Variants in NBEAL1 observed in about 807,000 individuals in gnomAD.
The protein encoded by NBEAL1 is neurobeachin-like protein 1.
In NBEAL1, 273 loss-of-function variants were observed where a neutral mutation model predicts 351.3. That is an observed-to-expected ratio of 0.78 (90% CI 0.70 to 0.86). The LOEUF is 0.86. NBEAL1 is among the 40% of genes least tolerant of loss of function. The pLI is 0.00. For missense variants in NBEAL1, 2,961 were observed against 3,201.3 expected, an observed-to-expected ratio of 0.92 and a Z score of 1.81; for synonymous variants, 1,050 against 1,086.4, an observed-to-expected ratio of 0.97 and a Z score of 0.66.
At chr2:203,141,523 C>T (rs2063382374) in intron 31 of NBEAL1, among the ~76,000 whole-genome samples, 1 of 151,048 alleles carries the variant, frequency 6.6e-6, no homozygotes, top group African/African-American at 2.4e-5. Flanking sequence ...GTTGGGGCTA[C>T]AGGCGTGTGC....
At chr2:203,148,025 G>A (rs2063553596) in intron 33 of NBEAL1, among the ~76,000 whole-genome samples, 2 of 151,940 alleles carry the variant, frequency 1.3e-5, no homozygotes, top group Admixed American at 6.6e-5. Context: ...GAGCTGTCAT[G>A]ACTTCCTTAG....
rs1013144567 is a variant in NBEAL1 at position 203,218,338 on chromosome 2, TGTG to T, written c.*987_*989del. On this transcript the variant is annotated 3_prime_UTR_variant, in exon 56 of 56. Coordinates refer to ENST00000683969, the MANE Select transcript of NBEAL1 (RefSeq NM_001378026.1). ...AATTTTATTATATAGTGTTAAATGT[TGTG>T]GTTGATTATTAAGATCTTAAAGTAA... The T allele has an allele frequency of 6.6e-5, 10 of 152,010 alleles. No individual in the cohort carries two copies. Among genetic ancestry groups the T allele is most frequent in the African/African-American group, 2.4e-4 (10 of 41,412 alleles). 9.4% of individuals were successfully genotyped at this position (152,010 alleles called of 1,614,324 possible).
At position 203,223,489 on chromosome 2, in the gene NBEAL1, T is replaced by A. The variant is rs1384921484; in HGVS notation, c.*6135T>A. Among the ~76,000 whole-genome samples, 2 of 152,070 alleles carry A rather than the reference T, an allele frequency of 1.3e-5. No individual in the cohort carries two copies. Among genetic ancestry groups the A allele is most frequent in the Non-Finnish European group, 2.9e-5 (2 of 67,948 alleles). ...CTCATTATTTAAATTAATTTATAAT[T>A]ATTTTTCAGTGTACAGAGTGATTAG... On this transcript the variant is annotated 3_prime_UTR_variant, in exon 56 of 56. Coordinates refer to ENST00000683969, the MANE Select transcript of NBEAL1 (RefSeq NM_001378026.1).
At chr2:203,147,634 T>G (rs1458016150) in intron 33 of NBEAL1, among the ~76,000 whole-genome samples, 2 of 152,132 alleles carry the variant, frequency 1.3e-5, no homozygotes, top group African/African-American at 2.4e-5. Context: ...TGTTCCTTTC[T>G]TAACTTAAAA....
rs1209397561 is a variant in NBEAL1 at position 203,126,937 on chromosome 2, CT to C, written c.3248+13del. 4 of 1,489,940 alleles carry C rather than the reference CT, an allele frequency of 2.7e-6. No homozygotes were observed. Among genetic ancestry groups the C allele is most frequent in the East Asian group, 2.5e-5 (1 of 40,610 alleles). 92.3% of individuals were successfully genotyped at this position (1,489,940 alleles called of 1,614,324 possible). A position where few individuals can be genotyped will look rare whatever the true frequency, so the allele number is the denominator to read the frequency against. The stretch of plus-strand genomic sequence containing the variant: ...TAGGATTTATTATGGGTATGATGCC[CT>C]TGTTCTTTCTCAGTTTGATATATTA... On this transcript the variant is annotated intron_variant, in intron 23 of 55. Transcript: ENST00000683969.
rs370461752 is a variant in NBEAL1 at position 203,116,094 on chromosome 2, C to G, written c.2592+24C>G. 1.1e-5 allele frequency: 16 copies of G among 1,474,000 alleles called. No individual in the cohort carries two copies. The Middle Eastern group carries it at 2.4e-3, about 220-fold the overall frequency. The allele number at this position is 1,474,000 out of a possible 1,614,324, so 91.3% of individuals were successfully genotyped here. ...AGGTCAGAGTAAATTTGTGAACTGT[C>G]CATCTAGTTATAACTATGTTGTGAA... On this transcript the variant is annotated intron_variant, in intron 18 of 55. Transcript: ENST00000683969.
At chr2:203,067,067 C>T (rs2061605435) in intron 6 of NBEAL1, among the ~76,000 whole-genome samples, 1 of 147,416 alleles carries the variant, frequency 6.8e-6, no homozygotes, top group African/African-American at 2.5e-5. Flanking sequence ...GAGGCACCCA[C>T]TTCCCAGACA....
At chr2:203,083,776 T>C (rs1049025930) in intron 9 of NBEAL1, among the ~76,000 whole-genome samples, 2 of 152,178 alleles carry the variant, frequency 1.3e-5, no homozygotes, top group Non-Finnish European at 2.9e-5. Context: ...AAAGCATCAA[T>C]GTGAAAAAGA....
chr2:203,100,974 G>T (rs1286313872), intron 12 of NBEAL1, among the ~76,000 whole-genome samples: 2 of 152,066 alleles, frequency 1.3e-5, no homozygotes, highest in East Asian at 3.8e-4. Context: ...TTGGATGCAT[G>T]GTTTGCAAAT....
chr2:203,184,074 T>TAAA (rs1170251389), intron 44 of NBEAL1, among the ~76,000 whole-genome samples: 1 of 88,008 alleles, frequency 1.1e-5, no homozygotes, highest in Non-Finnish European at 2.1e-5. Context: ...CGAGACTGTC[T>TAAA]AAAAAAAAAA....
intron 12 of NBEAL1, among the ~76,000 whole-genome samples, chr2:203,105,612 G>A (rs1272747902): frequency 6.6e-6 from 1 of 152,164 alleles, no homozygotes; most frequent in Non-Finnish European, 1.5e-5. Context: ...AAATTCTGAA[G>A]TGATGTATGA....
intron 12 of NBEAL1, among the ~76,000 whole-genome samples, chr2:203,102,251 G>A (rs1369867481): frequency 6.6e-6 from 1 of 152,192 alleles, no homozygotes; most frequent in African/African-American, 2.4e-5. Flanking sequence ...CATATTGTCT[G>A]CAAACAGGGA....
chr2:203,077,357 G>A (rs867263447), intron 7 of NBEAL1, among the ~76,000 whole-genome samples: 6 of 151,966 alleles, frequency 3.9e-5, no homozygotes, highest in East Asian at 1.9e-4. Flanking sequence ...GCGATATAGC[G>A]AGACTCCATC....
chr2:203,038,616 A>G (rs1197379637), intron 2 of NBEAL1, among the ~76,000 whole-genome samples: 1 of 148,964 alleles, frequency 6.7e-6, no homozygotes, highest in Non-Finnish European at 1.5e-5. Context: ...ATTTTCAGCC[A>G]GTGTGGTTTG....
Position 203,132,621 on chromosome 2 carries a change from C to T in NBEAL1, c.3725-437C>T, listed in dbSNP as rs529988462. On this transcript the variant is annotated intron_variant, in intron 26 of 55. Coordinates refer to ENST00000683969, the MANE Select transcript of NBEAL1 (RefSeq NM_001378026.1). ...CTGGATGCAAGGGATCCTCCTACCT[C>T]AGCCTTCCAAGTAGCTGGAACTACA... 1.4e-4 allele frequency among the ~76,000 whole-genome samples: 21 copies of T among 152,278 alleles called. 1 individual carries two copies. Among genetic ancestry groups the T allele is most frequent in the African/African-American group, 5.1e-4 (21 of 41,550 alleles).
intron 33 of NBEAL1, among the ~76,000 whole-genome samples, chr2:203,147,581 A>G (rs1235287931): frequency 6.6e-6 from 1 of 152,128 alleles, no homozygotes; most frequent in Non-Finnish European, 1.5e-5. Flanking sequence ...AGTCTTAAGT[A>G]ATTTTAAGGT....
intron 35 of NBEAL1, among the ~76,000 whole-genome samples, chr2:203,151,969 T>A (rs570519393): frequency 1.3e-5 from 2 of 152,268 alleles, no homozygotes; most frequent in East Asian, 3.9e-4. Flanking sequence ...TTCTTTTCTT[T>A]TTTTTGAGAC....
In NBEAL1 at chr2:203,223,384, A is replaced by T. The variant is rs547203996; in HGVS notation, c.*6030A>T. On this transcript the variant is annotated 3_prime_UTR_variant, in exon 56 of 56. Coordinates refer to ENST00000683969, the MANE Select transcript of NBEAL1 (RefSeq NM_001378026.1). Reference sequence around the variant, plus strand: ...AATAACACAATTTTGTCATTTAAAAAATTACCCATTCATTTTTCAAACTTG... The same window carrying T: ...AATAACACAATTTTGTCATTTAAAATATTACCCATTCATTTTTCAAACTTG... 1.3e-5 allele frequency among the ~76,000 whole-genome samples: 2 copies of T among 152,252 alleles called. No individual in the cohort carries two copies. The highest frequency in any genetic ancestry group is 2.4e-5 in the African/African-American group (1 of 41,580).
At chr2:203,042,663 C>G (rs2061162115) in intron 3 of NBEAL1, among the ~76,000 whole-genome samples, 1 of 151,514 alleles carries the variant, frequency 6.6e-6, no homozygotes. Flanking sequence ...TCTTGGCTCA[C>G]TATAACCTCC....
Sources: gnomAD v4.1 joint callset for allele counts (sites outside exome capture counted in the v4.1 genomes callset) on GRCh38, gnomAD v4.1.1 for gene constraint, MANE v1.5 for transcripts, NCBI Gene and HGNC (gene_info 2026-07-23, HGNC 2026-07-21) for gene names.